RPH3AL: variants seen among roughly 807,000 people sequenced by gnomAD.
The protein encoded by RPH3AL is rab effector Noc2.
RPH3AL carries 38 observed loss-of-function variants against 43.1 expected under a neutral mutation model. That is an observed-to-expected ratio of 0.88 (90% CI 0.68 to 1.15). The LOEUF (loss-of-function observed/expected upper bound fraction) is 1.15. Ranked by LOEUF, RPH3AL falls within the 50% of genes most tolerant of loss-of-function variation. The pLI is 0.00. For synonymous variants in RPH3AL, 189 were observed against 176.3 expected, an observed-to-expected ratio of 1.07 and a Z score of -0.57; for missense variants, 462 against 423.2, an observed-to-expected ratio of 1.09 and a Z score of -0.81.
chr17:295,956 A>C lies in RPH3AL; in HGVS notation c.352-14102T>G, dbSNP rs373859822. On this transcript the variant is annotated intron_variant, in intron 5 of 9. Transcript: ENST00000331302. The stretch of plus-strand genomic sequence containing the variant: ...GGGACACAGATGCTGCAGAAATGGA[A>C]AGCAGAGGGAATGCACATCAGTGTG... Among the ~76,000 whole-genome samples the C allele has an allele frequency of 9.5e-5, 8 of 84,540 alleles. No homozygotes were observed. The East Asian group carries it at 1.4e-3, about 15-fold the overall frequency. 55.5% of individuals were successfully genotyped at this position (84,540 alleles called of 152,430 possible). A position where few individuals can be genotyped will look rare whatever the true frequency, so the allele number is the denominator to read the frequency against.
At chr17:314,749 T>C (rs1598086115) in intron 5 of RPH3AL, among the ~76,000 whole-genome samples, 2 of 149,744 alleles carry the variant, frequency 1.3e-5, no homozygotes, top group Admixed American at 6.6e-5. Flanking sequence ...GTGCTCCACC[T>C]CCATTGACCT....
intron 7 of RPH3AL, among the ~76,000 whole-genome samples, chr17:226,773 T>C (rs954992649): frequency 2.0e-5 from 3 of 152,232 alleles, no homozygotes; most frequent in African/African-American, 7.2e-5. Context: ...TCTCCCTGCA[T>C]AGCAGCTGTG....
At chr17:298,778 A>G (rs2043245364) in intron 5 of RPH3AL, among the ~76,000 whole-genome samples, 1 of 152,140 alleles carries the variant, frequency 6.6e-6, no homozygotes, top group Non-Finnish European at 1.5e-5. Context: ...AATACAGCAG[A>G]CTAGACAAAC....
At chr17:228,188 C>T (rs1477614426) in intron 7 of RPH3AL, among the ~76,000 whole-genome samples, 1 of 152,212 alleles carries the variant, frequency 6.6e-6, no homozygotes, top group Non-Finnish European at 1.5e-5. Flanking sequence ...AGTGGTATAA[C>T]TTTAGGCCAG....
At chr17:293,645 G>A (rs1010986562) in intron 5 of RPH3AL, among the ~76,000 whole-genome samples, 7 of 152,174 alleles carry the variant, frequency 4.6e-5, no homozygotes, top group South Asian at 2.1e-4. Flanking sequence ...GTGCAGCACC[G>A]GTGATGGGAG....
At chr17:230,977 C>A (rs2041218910) in intron 7 of RPH3AL, among the ~76,000 whole-genome samples, 1 of 152,198 alleles carries the variant, frequency 6.6e-6, no homozygotes, top group Non-Finnish European at 1.5e-5. Flanking sequence ...TGAGCCATGG[C>A]ACCTGGCCTC....
intron 7 of RPH3AL, among the ~76,000 whole-genome samples, chr17:235,903 G>C (rs1482563139): frequency 1.4e-5 from 2 of 145,958 alleles, no homozygotes; most frequent in Non-Finnish European, 3.1e-5. Context: ...AGGGATACAG[G>C]GTTCAAAGCT....
chr17:321,766 G>C (rs2044488187), intron 3 of RPH3AL: 1 of 262,708 alleles, frequency 3.8e-6, no homozygotes, highest in South Asian at 1.0e-4. Flanking sequence ...AACAGAGACG[G>C]GGCAGACACA....
chr17:248,469 G>A (rs944408792), intron 6 of RPH3AL, among the ~76,000 whole-genome samples: 1 of 152,200 alleles, frequency 6.6e-6, no homozygotes, highest in Admixed American at 6.5e-5. Context: ...CCAAGCAGGT[G>A]TAAAGCATCC....
intron 5 of RPH3AL, among the ~76,000 whole-genome samples, chr17:285,823 T>C (rs983407064): frequency 6.6e-6 from 1 of 152,158 alleles, no homozygotes; most frequent in South Asian, 2.1e-4. Flanking sequence ...TCAACCCGAC[T>C]GATGCACTCA....
intron 1 of RPH3AL, chr17:335,798 T>C (rs2044938227): frequency 6.6e-6 from 1 of 152,220 alleles, no homozygotes; most frequent in African/African-American, 2.4e-5. Context: ...CCTGGAGGCT[T>C]CGCAGGTGGC....
chr17:314,467 GC>G (rs1171876430), intron 5 of RPH3AL, among the ~76,000 whole-genome samples: 92 of 103,694 alleles, frequency 8.9e-4, no homozygotes, highest in Non-Finnish European at 1.4e-3. Flanking sequence ...TAGTCTCTAT[GC>G]CCCCACCTCC....
intron 5 of RPH3AL, among the ~76,000 whole-genome samples, chr17:294,588 A>G (rs12944907): frequency 0.13 from 10,069 of 79,426 alleles, 621 homozygotes; most frequent in South Asian, 0.16. Flanking sequence ...AAATGGATGG[A>G]CAGAGGGAAT....
At chr17:255,819 C>T (rs372890899) in intron 6 of RPH3AL, among the ~76,000 whole-genome samples, 13 of 25,900 alleles carry the variant, frequency 5.0e-4, no homozygotes, top group East Asian at 1.0e-3. Flanking sequence ...TCCCTAGGAA[C>T]GTGACTACCC....
chr17:244,721 C>T (rs2041704617), intron 7 of RPH3AL, among the ~76,000 whole-genome samples: 1 of 152,158 alleles, frequency 6.6e-6, no homozygotes, highest in Admixed American at 6.5e-5. Context: ...GGCCACTGCC[C>T]TCCTCGCCCA....
chr17:331,612 G>A (rs2044768247), intron 2 of RPH3AL: 1 of 1,287,108 alleles, frequency 7.8e-7, no homozygotes, highest in African/African-American at 1.5e-5. Flanking sequence ...ACTGCCCACG[G>A]AGCCAGTTTC....
At chr17:331,316 G>A in intron 2 of RPH3AL, 10 of 315,544 alleles carry the variant, frequency 3.2e-5, no homozygotes, top group South Asian at 1.3e-4. Context: ...AGAGATCAAG[G>A]GAGACGGAAG....
Position 333,095 on chromosome 17 carries a change from C to T in RPH3AL, c.-37+664G>A, listed in dbSNP as rs962940570. ...CTCTCTAAAGTCGAGAGCTCACCAC[C>T]CCGGGCGTTCGTCACTGCAGACATC... On this transcript the variant is annotated intron_variant, in intron 2 of 9. Coordinates refer to ENST00000331302, the MANE Select transcript of RPH3AL (RefSeq NM_006987.4). This position sits in a 1 kb window ranked among gnomAD's most constrained non-coding sequence, Gnocchi z 4.5. 1 of 1,283,648 alleles carries T rather than the reference C, an allele frequency of 7.8e-7. No homozygotes were observed. Among genetic ancestry groups the T allele is most frequent in the African/African-American group, 1.5e-5 (1 of 65,656 alleles). The allele number at this position is 1,283,648 out of a possible 1,614,324, so 79.5% of individuals were successfully genotyped here.
intron 6 of RPH3AL, among the ~76,000 whole-genome samples, chr17:262,424 C>A (rs868987372): frequency 2.6e-5 from 4 of 152,166 alleles, no homozygotes; most frequent in African/African-American, 9.6e-5. Context: ...CCATGTTCGC[C>A]GGGCTGGTCT....
Sources: gnomAD v4.1 joint callset for allele counts (sites outside exome capture counted in the v4.1 genomes callset) on GRCh38, gnomAD v4.1.1 for gene constraint, Gnocchi (gnomAD v3.1) non-coding constraint, MANE v1.5 for transcripts, NCBI Gene and HGNC (gene_info 2026-07-23, HGNC 2026-07-21) for gene names.